Variants in CRB1 observed in about 807,000 individuals in gnomAD.
The protein encoded by CRB1 is protein crumbs homolog 1.
In CRB1, 83 loss-of-function variants were observed where a neutral mutation model predicts 120.0. That is an observed-to-expected ratio of 0.69 (90% CI 0.58 to 0.83). The LOEUF is 0.83. Ranked by LOEUF, CRB1 falls within the 40% of genes least tolerant of loss-of-function variation. CRB1 has a pLI of 0.00. For synonymous variants in CRB1, 625 were observed against 612.5 expected (o/e 1.02, Z -0.30); for missense variants, 1,699 against 1,687.6 (o/e 1.01, Z -0.12).
intron 7 of CRB1, chr1:197,428,885 T>C (rs1664730843): frequency 7.3e-7 from 1 of 1,363,596 alleles, no homozygotes; most frequent in South Asian, 1.4e-5. Context: ...CATGCTCTAA[T>C]AAATTTCTTT....
intron 5 of CRB1, among the ~76,000 whole-genome samples, chr1:197,392,938 G>A (rs1301712028): frequency 3.3e-5 from 5 of 152,114 alleles, no homozygotes; most frequent in Middle Eastern, 3.4e-3. Context: ...TTGTAAATTC[G>A]GCACTTGATG....
chr1:197,382,012 G>C (rs1451717984), intron 5 of CRB1, among the ~76,000 whole-genome samples: 1 of 152,154 alleles, frequency 6.6e-6, no homozygotes, highest in Non-Finnish European at 1.5e-5. Flanking sequence ...GAACACATAA[G>C]GTGTGCCTAG....
intron 1 of CRB1, among the ~76,000 whole-genome samples, chr1:197,307,001 T>C (rs1009728415): frequency 5.9e-5 from 9 of 152,204 alleles, no homozygotes; most frequent in Admixed American, 6.5e-5. Context: ...ACAAATGTTA[T>C]GTCTGAAAAT....
chr1:197,369,197 C>A (rs548545351), intron 5 of CRB1, among the ~76,000 whole-genome samples: 13 of 152,096 alleles, frequency 8.5e-5, no homozygotes, highest in Non-Finnish European at 1.9e-4. Flanking sequence ...TTTTATTAAG[C>A]ATGTTAATCA....
intron 4 of CRB1, among the ~76,000 whole-genome samples, chr1:197,350,627 C>T (rs934820214): frequency 3.9e-5 from 6 of 152,038 alleles, no homozygotes; most frequent in Admixed American, 2.0e-4. Flanking sequence ...ATTCTAGTAG[C>T]GAGACATATG....
chr1:197,464,362 G>C (rs1238912662), intron 11 of CRB1, among the ~76,000 whole-genome samples: 1 of 152,140 alleles, frequency 6.6e-6, no homozygotes, highest in Non-Finnish European at 1.5e-5. Context: ...GGATTTTTCA[G>C]GCCTAGTGAC....
chr1:197,453,514 G>GTT (rs1210917909), intron 11 of CRB1, among the ~76,000 whole-genome samples: 25 of 84,722 alleles, frequency 3.0e-4, no homozygotes, highest in African/African-American at 8.1e-4. Context: ...GTATATATAT[G>GTT]TGTGTGTGTG....
intron 5 of CRB1, among the ~76,000 whole-genome samples, chr1:197,415,860 T>G (rs112517997): frequency 0.055 from 8,395 of 152,104 alleles, 742 homozygotes; most frequent in African/African-American, 0.19. Flanking sequence ...GCCAGGATGG[T>G]CTCGATCTCC....
intron 5 of CRB1, among the ~76,000 whole-genome samples, chr1:197,394,806 C>G (rs1662690897): frequency 6.6e-6 from 1 of 151,998 alleles, no homozygotes; most frequent in East Asian, 1.9e-4. Context: ...GTGGAGATAA[C>G]ATTTTTATTC....
At chr1:197,264,858 CAT>C (rs1238288641), upstream of CRB1, among the ~76,000 whole-genome samples, 3 of 151,838 alleles carry the variant, frequency 2.0e-5, no homozygotes, top group African/African-American at 7.3e-5. Context: ...CTCCTGACCT[CAT>C]GTGATCCACC....
chr1:197,205,829 A>G, the CRB1 span, among the ~76,000 whole-genome samples: 1 of 148,758 alleles, frequency 6.7e-6, no homozygotes, highest in Non-Finnish European at 1.5e-5. Context: ...ATTGGTACCA[A>G]TTTCTCATTC....
At chr1:197,258,082 G>T in the CRB1 span, among the ~76,000 whole-genome samples, 1 of 152,094 alleles carries the variant, frequency 6.6e-6, no homozygotes, top group African/African-American at 2.4e-5. Context: ...TAGTTAGAAA[G>T]AATAAATAAG....
upstream of CRB1, among the ~76,000 whole-genome samples, chr1:197,266,956 G>T (rs894831247): frequency 6.6e-6 from 1 of 152,052 alleles, no homozygotes; most frequent in African/African-American, 2.4e-5. Context: ...GTATGTAGAT[G>T]TCCCAGAATG....
At chr1:197,253,657 A>G in the CRB1 span, among the ~76,000 whole-genome samples, 2 of 152,140 alleles carry the variant, frequency 1.3e-5, no homozygotes, top group African/African-American at 4.8e-5. Context: ...AAAAATACAG[A>G]TTATTTTTGG....
chr1:197,273,652 T>C (rs1254447922), intron 1 of CRB1, among the ~76,000 whole-genome samples: 1 of 152,164 alleles, frequency 6.6e-6, no homozygotes, highest in Non-Finnish European at 1.5e-5. Context: ...TATTTTATAC[T>C]CTGGGTTATA....
intron 11 of CRB1, among the ~76,000 whole-genome samples, chr1:197,476,245 C>T (rs556609410): frequency 6.6e-6 from 1 of 151,950 alleles, no homozygotes; most frequent in South Asian, 2.1e-4. Flanking sequence ...AGTACTTGAG[C>T]ATCCACTAAT....
the CRB1 span, among the ~76,000 whole-genome samples, chr1:197,229,117 G>A: frequency 4.6e-5 from 7 of 152,112 alleles, no homozygotes; most frequent in African/African-American, 1.4e-4. Context: ...AGAACCTGAC[G>A]ATGCTGACAT....
the CRB1 span, among the ~76,000 whole-genome samples, chr1:197,251,669 CTG>C: frequency 2.0e-5 from 3 of 152,096 alleles, no homozygotes; most frequent in Middle Eastern, 3.4e-3. Context: ...ATTTATGACA[CTG>C]TATCTGTCAG....
At chr1:197,383,240 G>A (rs1229928488) in intron 5 of CRB1, among the ~76,000 whole-genome samples, 1 of 152,004 alleles carries the variant, frequency 6.6e-6, no homozygotes, top group South Asian at 2.1e-4. Flanking sequence ...GTTTCCATAG[G>A]AACTCAAACT....
Sources: allele counts gnomAD v4.1 joint callset (sites outside exome capture counted in the v4.1 genomes callset), GRCh38; gene constraint gnomAD v4.1.1; transcripts MANE v1.5; gene names NCBI Gene and HGNC (gene_info 2026-07-23, HGNC 2026-07-21).